The following ACSL6 variants were observed in gnomAD, a reference collection of about 807,000 sequenced individuals.
ACSL6 encodes long-chain-fatty-acid--CoA ligase 6.
ACSL6 carries 47 observed loss-of-function variants against 98.2 expected under a neutral mutation model. That is an observed-to-expected ratio of 0.48 (90% CI 0.38 to 0.61). ACSL6 has a LOEUF of 0.61. Among genes scored for constraint, ACSL6 ranks in the 20% least tolerant of loss-of-function variants. The pLI, the probability that ACSL6 is intolerant of heterozygous loss-of-function variation, is 0.00. For missense variants in ACSL6, 761 were observed against 913.4 expected, an observed-to-expected ratio of 0.83 and a Z score of 2.15; for synonymous variants, 362 against 336.9, an observed-to-expected ratio of 1.07 and a Z score of -0.82.
chr5:131,954,297 CTT>C lies in ACSL6; in HGVS notation c.2104_2105del (p.Lys702GlufsTer3). ...NGLLTPTLKAKRPELREYFKK... is the reference protein window; with the variant it reads ...NGLLTPTLKAXRPELREYFKK... ...TGAAGTACTCTCTCAGCTCAGGTCT[CTT>C]AGCTTTTAGTGTTGGTGTCAGCAAG... On this transcript the variant is annotated frameshift_variant, in exon 21 of 21. Coordinates refer to ENST00000651883, the MANE Select transcript of ACSL6 (RefSeq NM_001009185.3). LOFTEE classifies it high-confidence loss of function. 6.2e-7 allele frequency: 1 copy of C among 1,614,048 alleles called. No individual in the cohort carries two copies. The highest frequency in any genetic ancestry group is 8.5e-7 in the Non-Finnish European group (1 of 1,179,980).
chr5:132,011,759 C>G, upstream of ACSL6: 1 of 1,310,264 alleles, frequency 7.6e-7, no homozygotes, highest in Non-Finnish European at 9.7e-7. The surrounding 1 kb of genome is among the most constrained non-coding windows in gnomAD (Gnocchi z 5.4). Flanking sequence ...GCACTCGCAA[C>G]CGAGCCTTAC....
At position 131,988,149 on chromosome 5, in the gene ACSL6, G is replaced by A. The variant is rs755447290; in HGVS notation, c.730C>T (p.Pro244Ser). Residue 244 changes from proline (P) to serine (S), a missense_variant, in exon 7 of 21, where the codon CCA becomes TCA. Coordinates refer to ENST00000651883, the MANE Select transcript of ACSL6 (RefSeq NM_001009185.3). ...LLEHVERKET[P>S]GLKLIILMDP... ...ATGAGGATGATCAGCTTGAGGCCTG[G>A]AGTCTCCTTCCTCTCCACATGCTCT... is the stretch of plus-strand genomic sequence containing the variant. The A allele has an allele frequency of 6.2e-7, 1 of 1,614,058 alleles. No homozygotes were observed. The highest frequency in any genetic ancestry group is 1.3e-5 in the African/African-American group (1 of 74,922).
At chr5:131,989,346 T>C in intron 5 of ACSL6, 61 bp downstream of exon 5, 1 of 1,502,042 alleles carries the variant, frequency 6.7e-7, no homozygotes, top group South Asian at 1.1e-5. Flanking sequence ...GCAGGACTAT[T>C]CCATGGCAGC....
chr5:132,011,301 A>C lies in ACSL6; in HGVS notation c.49+204T>G. ...GCCCTATATCTCCCTCCGCAGACCC[A>C]GGTGCTCCCCAAACCCGGCCCGGAG... On this transcript the variant is annotated intron_variant, in intron 1 of 20. Transcript: ENST00000651883. This position sits in a 1 kb window ranked among gnomAD's most constrained non-coding sequence, Gnocchi z 5.4. The C allele has an allele frequency of 1.6e-6, 1 of 612,582 alleles. No individual in the cohort carries two copies. Among genetic ancestry groups the C allele is most frequent in the East Asian group, 3.2e-5 (1 of 31,382 alleles). The allele number at this position is 612,582 out of a possible 1,614,324, so 37.9% of individuals were successfully genotyped here.
intron 12 of ACSL6, 49 bp downstream of exon 12, chr5:131,973,213 ACAAG>A: frequency 6.3e-7 from 1 of 1,589,850 alleles, no homozygotes; most frequent in Non-Finnish European, 8.6e-7. Flanking sequence ...CCCTGTCCAA[ACAAG>A]CAAATATGCA....
intron 9 of ACSL6, among the ~76,000 whole-genome samples, chr5:131,978,356 G>A (rs1753726836): frequency 1.3e-5 from 2 of 152,150 alleles, no homozygotes; most frequent in African/African-American, 4.8e-5. Flanking sequence ...TGAAGCAGAG[G>A]GAGTTTTAGA....
At chr5:131,972,590 C>A in intron 13 of ACSL6, 134 bp downstream of exon 13, 1 of 1,124,908 alleles carries the variant, frequency 8.9e-7, no homozygotes. Flanking sequence ...ATAGCTTAAG[C>A]TTTGATTTCA....
chr5:132,011,676 C>G (rs1755743647), upstream of ACSL6: 2 of 1,267,840 alleles, frequency 1.6e-6, no homozygotes, highest in Non-Finnish European at 2.0e-6. The surrounding 1 kb of genome is among the most constrained non-coding windows in gnomAD (Gnocchi z 5.4). Context: ...ATTTTTAGCC[C>G]CCGCCCTCCG....
intron 2 of ACSL6, 31 bp from the exon 3 acceptor site, chr5:131,990,998 G>C: frequency 1.2e-6 from 2 of 1,605,486 alleles, no homozygotes; most frequent in Non-Finnish European, 1.7e-6. Flanking sequence ...AGAGAAGTTG[G>C]CTGAGGCAGG....
At chr5:131,973,733 T>G (rs1753449725) in intron 11 of ACSL6, 2 of 227,246 alleles carry the variant, frequency 8.8e-6, no homozygotes, top group African/African-American at 4.5e-5. Context: ...GACTCAGGCC[T>G]TTGAGATGTA....
Position 131,972,776 on chromosome 5 carries a change from C to T in ACSL6, c.1286G>A (p.Gly429Glu). 6.2e-7 allele frequency: 1 copy of T among 1,614,198 alleles called. No individual in the cohort carries two copies. Among genetic ancestry groups the T allele is most frequent in the Non-Finnish European group, 8.5e-7 (1 of 1,180,044 alleles). The change falls in exon 13 of 21, where the codon GGA becomes GAA. Residue 429 changes from glycine to glutamate, a missense_variant. Transcript: ENST00000651883. ...CCAGATACTATCATTCCTGATGATT[C>T]CACTCCGGACCTCGGCTTGCTTACG... The part of the protein sequence containing the change: ...AKRKQAEVRS[G>E]IIRNDSIWDE...
intron 1 of ACSL6, among the ~76,000 whole-genome samples, chr5:132,007,552 C>T (rs117287439): frequency 6.6e-6 from 1 of 152,322 alleles, no homozygotes; most frequent in East Asian, 1.9e-4. Flanking sequence ...TTACAAGTTG[C>T]TTCACCACTG....
At chr5:131,988,678 G>T in intron 6 of ACSL6, 127 bp downstream of exon 6, 1 of 1,586,038 alleles carries the variant, frequency 6.3e-7, no homozygotes. Flanking sequence ...CACAGTGTAA[G>T]CCCCTAGTAT....
rs1013785261 is a variant in ACSL6, at chr5:131,953,775, C to G, written c.*459G>C. The G allele has an allele frequency of 3.6e-5, 7 of 193,874 alleles. No individual in the cohort carries two copies. The highest frequency in any genetic ancestry group is 6.5e-5 in the Non-Finnish European group (6 of 92,748). The allele number at this position is 193,874 out of a possible 1,614,324, so 12.0% of individuals were successfully genotyped here. A position where few individuals can be genotyped will look rare whatever the true frequency, so the allele number is the denominator to read the frequency against. ...TTTTAGCATGATTCTATACACCTAGCTTTAATTTTTGAAGTCTGATTTAAT... is the reference window on the plus strand; with the variant it reads ...TTTTAGCATGATTCTATACACCTAGGTTTAATTTTTGAAGTCTGATTTAAT... On this transcript the variant is annotated 3_prime_UTR_variant, in exon 21 of 21. Transcript: ENST00000651883.
chr5:131,971,891 A>G (rs990022036), intron 13 of ACSL6, among the ~76,000 whole-genome samples: 2 of 152,190 alleles, frequency 1.3e-5, no homozygotes, highest in African/African-American at 4.8e-5. Context: ...GCCTTTTGAG[A>G]TAAGTACCAT....
chr5:131,963,987 G>A (rs146882141), intron 17 of ACSL6, among the ~76,000 whole-genome samples: 14 of 152,246 alleles, frequency 9.2e-5, no homozygotes, highest in African/African-American at 3.4e-4. Context: ...TTTGAATCCC[G>A]ATCCTTCTGG....
chr5:131,975,172 G>C (rs1212268605), intron 10 of ACSL6: 4 of 1,366,014 alleles, frequency 2.9e-6, no homozygotes, highest in Admixed American at 3.1e-5. Context: ...GAGGGAGGGG[G>C]AAGGTGCAGA....
At chr5:131,964,370 C>T (rs933749194) in intron 17 of ACSL6, among the ~76,000 whole-genome samples, 3 of 152,152 alleles carry the variant, frequency 2.0e-5, no homozygotes, top group Non-Finnish European at 4.4e-5. Flanking sequence ...ATAAGTATCT[C>T]AATAGCTGCA....
intron 18 of ACSL6, 99 bp downstream of exon 18, chr5:131,962,436 G>A: frequency 7.3e-7 from 1 of 1,370,850 alleles, no homozygotes; most frequent in South Asian, 1.5e-5. Context: ...GTTTTAAAAT[G>A]CGGAGGAGAA....
Sources: gnomAD v4.1 joint callset for allele counts (sites outside exome capture counted in the v4.1 genomes callset) on GRCh38, gnomAD v4.1.1 for gene constraint, Gnocchi (gnomAD v3.1) non-coding constraint, MANE v1.5 for transcripts, NCBI Gene and HGNC (gene_info 2026-07-23, HGNC 2026-07-21) for gene names.